Variants in CDK5RAP2 observed in about 807,000 individuals in gnomAD.
CDK5RAP2 encodes the protein CDK5 regulatory subunit-associated protein 2.
In CDK5RAP2, 147 loss-of-function variants were observed where a neutral mutation model predicts 232.9. The observed-to-expected ratio is 0.63, with a 90% confidence interval of 0.55 to 0.72. The LOEUF (loss-of-function observed/expected upper bound fraction) is 0.72. CDK5RAP2 is among the 30% of genes least tolerant of loss of function. The pLI, the probability that CDK5RAP2 is intolerant of heterozygous loss-of-function variation, is 0.00. For missense variants in CDK5RAP2, 2,195 were observed against 2,231.5 expected (o/e 0.98, Z 0.33); for synonymous variants, 833 against 833.7 (o/e 1.00, Z 0.01).
intron 3 of CDK5RAP2, among the ~76,000 whole-genome samples, chr9:120,564,473 G>C (rs575404158): frequency 7.2e-6 from 1 of 138,202 alleles, no homozygotes; most frequent in Admixed American, 7.7e-5. Flanking sequence ...CTGGGCAACA[G>C]AGTGAGACTC....
intron 18 of CDK5RAP2, among the ~76,000 whole-genome samples, chr9:120,461,687 CA>C (rs2037096883): frequency 6.6e-6 from 1 of 152,076 alleles, no homozygotes; most frequent in African/African-American, 2.4e-5. Context: ...ACAAAAAACA[CA>C]AAAATTCGCC....
intron 22 of CDK5RAP2, among the ~76,000 whole-genome samples, chr9:120,444,383 ATTTAG>A (rs772972860): frequency 2.0e-5 from 3 of 152,224 alleles, no homozygotes; most frequent in Non-Finnish European, 4.4e-5. Flanking sequence ...CCCTGTATTG[ATTTAG>A]TTAACTGCCA....
chr9:120,577,112 A>T (rs2043062714), intron 1 of CDK5RAP2, among the ~76,000 whole-genome samples: 3 of 152,182 alleles, frequency 2.0e-5, no homozygotes. Flanking sequence ...CTATAATCCC[A>T]GCACTCTGGG....
At chr9:120,470,297 A>T in intron 16 of CDK5RAP2, 77 bp from the exon 17 acceptor site, 1 of 699,662 alleles carries the variant, frequency 1.4e-6, no homozygotes, top group Non-Finnish European at 2.5e-6. Flanking sequence ...CCCAAGACTG[A>T]CCCCAGTGCA....
chr9:120,544,208 C>A (rs549030318), intron 5 of CDK5RAP2, among the ~76,000 whole-genome samples: 7 of 152,250 alleles, frequency 4.6e-5, no homozygotes, highest in African/African-American at 1.4e-4. Context: ...TGTATGCAAG[C>A]CTTTGTGAGC....
chr9:120,577,909 G>C (rs901614167), intron 1 of CDK5RAP2, among the ~76,000 whole-genome samples: 1 of 152,188 alleles, frequency 6.6e-6, no homozygotes, highest in African/African-American at 2.4e-5. Flanking sequence ...TGGAAGTTAT[G>C]ATAACAGCAA....
At chr9:120,422,635 A>C in intron 26 of CDK5RAP2, 58 bp downstream of exon 26, 1 of 1,278,938 alleles carries the variant, frequency 7.8e-7, no homozygotes. Context: ...AAAAGCTGGC[A>C]GGTAAATCAG....
chr9:120,520,535 C>G (rs1428990714), intron 11 of CDK5RAP2, among the ~76,000 whole-genome samples: 3 of 152,014 alleles, frequency 2.0e-5, no homozygotes, highest in South Asian at 2.1e-4. Flanking sequence ...CCCAGCTACC[C>G]AGGAGCCTGA....
chr9:120,576,346 C>T (rs1260423576), intron 1 of CDK5RAP2, among the ~76,000 whole-genome samples: 1 of 152,130 alleles, frequency 6.6e-6, no homozygotes, highest in Non-Finnish European at 1.5e-5. Flanking sequence ...AGAAAGTGAA[C>T]AAATGGCTAA....
chr9:120,518,208 TGTGAGAGA>T (rs1332093817), intron 12 of CDK5RAP2, among the ~76,000 whole-genome samples: 65 of 111,472 alleles, frequency 5.8e-4, no homozygotes, highest in South Asian at 2.0e-3. Context: ...TGTGTGTGTG[TGTGAGAGA>T]GAGAGAGAGA....
At chr9:120,460,822 A>C in intron 18 of CDK5RAP2, 155 bp from the exon 19 acceptor site, 1 of 1,337,276 alleles carries the variant, frequency 7.5e-7, no homozygotes, top group Non-Finnish European at 1.0e-6. Context: ...TGAAATAAAA[A>C]TTAACCAAGG....
intron 12 of CDK5RAP2, among the ~76,000 whole-genome samples, chr9:120,491,946 A>AT (rs1051960774): frequency 1.8e-4 from 27 of 151,932 alleles, no homozygotes; most frequent in African/African-American, 2.7e-4. Flanking sequence ...GTAATTTTCC[A>AT]TTTTTTTTAC....
chr9:120,555,136 G>T (rs186437032), intron 3 of CDK5RAP2, among the ~76,000 whole-genome samples: 2,252 of 136,584 alleles, frequency 0.016, 17 homozygotes, highest in Middle Eastern at 0.022. Context: ...AAATTTTTTT[G>T]GGGGGGGGTG....
In CDK5RAP2 at chr9:120,411,212, G is replaced by C. The variant is rs576466823; in HGVS notation, c.4414+146C>G. 9 of 708,972 alleles carry C rather than the reference G, an allele frequency of 1.3e-5. No homozygotes were observed. In the East Asian group the frequency reaches 1.7e-4, roughly 14 times the overall value. 43.9% of individuals were successfully genotyped at this position (708,972 alleles called of 1,614,324 possible). On this transcript the variant is annotated intron_variant, in intron 29 of 37. Coordinates refer to ENST00000349780, the MANE Select transcript of CDK5RAP2 (RefSeq NM_018249.6). ...AGCTATAAAACAGAAACACCTCACAGGGCTGCTGTGACAATTAAATGGTGT... is the reference window on the plus strand; with the variant it reads ...AGCTATAAAACAGAAACACCTCACACGGCTGCTGTGACAATTAAATGGTGT...
chr9:120,572,488 C>T (rs1198339425), intron 1 of CDK5RAP2, among the ~76,000 whole-genome samples: 1 of 152,208 alleles, frequency 6.6e-6, no homozygotes, highest in Non-Finnish European at 1.5e-5. Flanking sequence ...ATCATTATGA[C>T]TACTAATATG....
At chr9:120,533,631 T>C (rs1347690713) in intron 7 of CDK5RAP2, among the ~76,000 whole-genome samples, 1 of 151,622 alleles carries the variant, frequency 6.6e-6, no homozygotes, top group African/African-American at 2.4e-5. Context: ...CTGTCTCCAC[T>C]AAAAATACAA....
At chr9:120,482,220 T>G (rs2038359163) in intron 14 of CDK5RAP2, among the ~76,000 whole-genome samples, 1 of 152,152 alleles carries the variant, frequency 6.6e-6, no homozygotes, top group African/African-American at 2.4e-5. Flanking sequence ...ACTCCAGGAA[T>G]GTATGTATGT....
At chr9:120,572,154 G>T in intron 1 of CDK5RAP2, 113 bp from the exon 2 acceptor site, 1 of 846,186 alleles carries the variant, frequency 1.2e-6, no homozygotes, top group Non-Finnish European at 2.0e-6. Flanking sequence ...GATGCACACA[G>T]CTGGGCTACC....
At chr9:120,425,312 G>C (rs1056453480) in intron 25 of CDK5RAP2, among the ~76,000 whole-genome samples, 10 of 152,124 alleles carry the variant, frequency 6.6e-5, no homozygotes, top group Admixed American at 2.0e-4. Context: ...AGGATTCACA[G>C]GGAGATCACA....
Sources: allele counts gnomAD v4.1 joint callset (sites outside exome capture counted in the v4.1 genomes callset), GRCh38; gene constraint gnomAD v4.1.1; transcripts MANE v1.5; gene names NCBI Gene and HGNC (gene_info 2026-07-23, HGNC 2026-07-21).